The following XKR9 variants were observed in gnomAD, a reference collection of about 807,000 sequenced individuals.
XKR9 encodes XK related 9.
Under a neutral mutation model 32.0 loss-of-function variants are expected in XKR9, and 32 were observed. The ratio of observed to expected loss-of-function variants is 1.00; its 90% CI spans 0.76 to 1.34. The LOEUF is 1.34. Among genes scored for constraint, XKR9 ranks in the 40% most tolerant of loss-of-function variants. The probability of loss-of-function intolerance (pLI) is 0.00; values close to 1 mark genes in which losing one functional copy is unlikely to be tolerated. For missense variants in XKR9, 546 were observed against 429.7 expected (o/e 1.27, Z -2.39); for synonymous variants, 168 against 143.4 (o/e 1.17, Z -1.22).
Position 70,783,539 on chromosome 8 carries a change from A to C in XKR9, n.353-5800A>C, listed in dbSNP as rs115045520. The stretch of plus-strand genomic sequence containing the variant: ...ATTTAGGCCCCATGCCCATTTTTTA[A>C]CTGAGTTTTTTGTTTTTTTGCTGAG... On this transcript the variant is annotated intron_variant and non_coding_transcript_variant, in intron 2 of 3. Coordinates refer to the XKR9 transcript ENST00000520273. Among the ~76,000 whole-genome samples the C allele has an allele frequency of 6.5e-3, 984 of 151,862 alleles. 11 individuals carry two copies. The highest frequency in any genetic ancestry group is 0.022 in the African/African-American group (920 of 41,406).
the XKR9 span, among the ~76,000 whole-genome samples, chr8:70,836,065 T>C: frequency 6.6e-6 from 1 of 152,234 alleles, no homozygotes; most frequent in South Asian, 2.1e-4. Flanking sequence ...TTTACATATC[T>C]TTCCATCCCT....
At chr8:70,696,590 G>A (rs1264733520) in intron 3 of XKR9, among the ~76,000 whole-genome samples, 10 of 146,220 alleles carry the variant, frequency 6.8e-5, no homozygotes, top group Admixed American at 2.1e-4. Flanking sequence ...CTGTAGCCTT[G>A]TAGTATAGTT....
the XKR9 span, among the ~76,000 whole-genome samples, chr8:70,829,520 C>T: frequency 6.6e-6 from 1 of 152,210 alleles, no homozygotes; most frequent in African/African-American, 2.4e-5. Flanking sequence ...GCGATCTTGG[C>T]TCACTGCAAG....
intron 2 of XKR9, among the ~76,000 whole-genome samples, chr8:70,769,577 T>C (rs896706475): frequency 6.6e-6 from 1 of 152,162 alleles, no homozygotes. Context: ...GGTACACCAA[T>C]GAATTGTACG....
At chr8:70,775,192 A>C (rs1002237525) in intron 2 of XKR9, among the ~76,000 whole-genome samples, 1 of 152,124 alleles carries the variant, frequency 6.6e-6, no homozygotes, top group South Asian at 2.1e-4. Flanking sequence ...AAATTTGCTA[A>C]GTTTGGTTCT....
At chr8:70,727,115 T>C (rs886255373) in intron 4 of XKR9, among the ~76,000 whole-genome samples, 2 of 152,216 alleles carry the variant, frequency 1.3e-5, no homozygotes, top group Admixed American at 6.5e-5. Flanking sequence ...TATTATGGTT[T>C]ATAGAAATGT....
intron 2 of XKR9, among the ~76,000 whole-genome samples, chr8:70,788,260 G>A (rs1478393963): frequency 6.6e-6 from 1 of 152,070 alleles, no homozygotes; most frequent in Non-Finnish European, 1.5e-5. Context: ...CTCCATGTCT[G>A]ATGTTATTAA....
chr8:70,952,370 T>G, the XKR9 span, among the ~76,000 whole-genome samples: 2 of 152,252 alleles, frequency 1.3e-5, no homozygotes, highest in Non-Finnish European at 2.9e-5. Flanking sequence ...CACTACAGTA[T>G]GAAATGTTGT....
the XKR9 span, among the ~76,000 whole-genome samples, chr8:70,840,826 C>A: frequency 6.6e-6 from 1 of 152,110 alleles, no homozygotes; most frequent in Non-Finnish European, 1.5e-5. Flanking sequence ...GTTTGTACCT[C>A]AAATCTGTGT....
intron 2 of XKR9, among the ~76,000 whole-genome samples, chr8:70,775,498 G>T (rs933252166): frequency 2.0e-5 from 3 of 152,036 alleles, no homozygotes; most frequent in Non-Finnish European, 4.4e-5. Flanking sequence ...AGTTTTCTGA[G>T]ATTTTAAAAT....
At chr8:71,046,538 C>A in the XKR9 span, among the ~76,000 whole-genome samples, 1 of 152,186 alleles carries the variant, frequency 6.6e-6, no homozygotes, top group Non-Finnish European at 1.5e-5. Context: ...ATCATTGTGC[C>A]TGTCTGATAT....
the XKR9 span, among the ~76,000 whole-genome samples, chr8:70,904,274 G>C: frequency 3.4e-4 from 51 of 152,112 alleles, no homozygotes; most frequent in African/African-American, 1.2e-3. Flanking sequence ...GGTTTCTAAG[G>C]GCTTGCTTTA....
At chr8:70,911,543 A>T in the XKR9 span, among the ~76,000 whole-genome samples, 218 of 152,340 alleles carry the variant, frequency 1.4e-3, no homozygotes, top group African/African-American at 5.0e-3. Flanking sequence ...ACATTCTTTT[A>T]CTTCTCACAT....
intron 2 of XKR9, among the ~76,000 whole-genome samples, chr8:70,766,657 G>A (rs1322294103): frequency 1.3e-5 from 2 of 152,126 alleles, no homozygotes; most frequent in African/African-American, 2.4e-5. Context: ...GTGAGAGAGG[G>A]CATCCTTGTC....
chr8:70,719,450 A>C (rs923523821), intron 4 of XKR9, among the ~76,000 whole-genome samples: 1 of 152,184 alleles, frequency 6.6e-6, no homozygotes, highest in Non-Finnish European at 1.5e-5. Flanking sequence ...TTTAGGTTTA[A>C]GTCTTTAATC....
the XKR9 span, among the ~76,000 whole-genome samples, chr8:70,867,195 C>T: frequency 1.3e-5 from 2 of 152,146 alleles, no homozygotes; most frequent in South Asian, 4.1e-4. Flanking sequence ...AGAACTTGTG[C>T]AGGCAAACTC....
At chr8:70,796,734 G>C in the XKR9 span, among the ~76,000 whole-genome samples, 1 of 152,150 alleles carries the variant, frequency 6.6e-6, no homozygotes, top group Admixed American at 6.5e-5. Context: ...ATTAAATACT[G>C]TGTGTTACTT....
chr8:71,035,455 A>G, the XKR9 span, among the ~76,000 whole-genome samples: 1 of 152,226 alleles, frequency 6.6e-6, no homozygotes, highest in Non-Finnish European at 1.5e-5. Flanking sequence ...AACAGGCACG[A>G]TAAGTTTCAC....
At chr8:70,724,090 G>T (rs1806374979) in intron 4 of XKR9, among the ~76,000 whole-genome samples, 1 of 152,108 alleles carries the variant, frequency 6.6e-6, no homozygotes, top group Non-Finnish European at 1.5e-5. Flanking sequence ...TGCCCAGTGA[G>T]AAGGAATCTA....
Sources: allele counts gnomAD v4.1 joint callset (sites outside exome capture counted in the v4.1 genomes callset), GRCh38; gene constraint gnomAD v4.1.1; transcripts MANE v1.5; gene names NCBI Gene and HGNC (gene_info 2026-07-23, HGNC 2026-07-21).